The following KATNAL1 variants were observed in gnomAD, a reference collection of about 807,000 sequenced individuals.
KATNAL1 encodes katanin catalytic subunit A1 like 1, also known as katanin p60 ATPase-containing subunit A-like 1.
KATNAL1 carries 32 observed loss-of-function variants against 55.2 expected under a neutral mutation model. The ratio of observed to expected loss-of-function variants is 0.58; its 90% CI spans 0.44 to 0.78. The LOEUF is 0.78. Ranked by LOEUF, KATNAL1 falls within the 30% of genes least tolerant of loss-of-function variation. The pLI is 0.00. For missense variants in KATNAL1, 466 were observed against 600.9 expected, an observed-to-expected ratio of 0.78 and a Z score of 2.35; for synonymous variants, 193 against 193.6, an observed-to-expected ratio of 1.00 and a Z score of 0.02.
intron 1 of KATNAL1, among the ~76,000 whole-genome samples, chr13:30,295,569 G>C (rs1271939318): frequency 6.6e-6 from 1 of 151,982 alleles, no homozygotes; most frequent in Non-Finnish European, 1.5e-5. Context: ...TTCAAGACCA[G>C]CCTGGGCAAC....
intron 9 of KATNAL1, among the ~76,000 whole-genome samples, chr13:30,218,433 A>T (rs1257534693): frequency 6.6e-6 from 1 of 152,048 alleles, no homozygotes; most frequent in Non-Finnish European, 1.5e-5. Context: ...AGAACATTAG[A>T]ACTCACTTGT....
intron 2 of KATNAL1, among the ~76,000 whole-genome samples, chr13:30,281,132 AAAAAAG>A (rs1393112141): frequency 4.4e-4 from 65 of 148,454 alleles, no homozygotes; most frequent in African/African-American, 1.5e-3. Flanking sequence ...CAAAAAAAAA[AAAAAAG>A]AAAAGAAAAG....
Position 30,210,305 on chromosome 13 carries a change from TA to T in KATNAL1, c.1274+10del. ...ACTAATGTCTAAAATCACAGATCAT[TA>T]AAAAAATACCTGCAAACATTAGTGA... is the stretch of plus-strand genomic sequence containing the variant. On this transcript the variant is annotated intron_variant, in intron 10 of 10. Coordinates refer to ENST00000380615, the MANE Select transcript of KATNAL1 (RefSeq NM_032116.5). The T allele has an allele frequency of 6.3e-6, 10 of 1,579,042 alleles. No individual in the cohort carries two copies. Among genetic ancestry groups the T allele is most frequent in the Admixed American group, 1.9e-5 (1 of 52,178 alleles).
chr13:30,256,542 T>C (rs1394739166), intron 3 of KATNAL1, among the ~76,000 whole-genome samples: 3 of 152,176 alleles, frequency 2.0e-5, no homozygotes, highest in African/African-American at 7.2e-5. Context: ...TATCTATTAT[T>C]ATCCCCTTTC....
rs1212426073 is a variant in KATNAL1 at position 30,205,616 on chromosome 13, G to A, written c.*2924C>T. 2 of 99,480 alleles carry A rather than the reference G, an allele frequency of 2.0e-5. No homozygotes were observed. The highest frequency in any genetic ancestry group is 3.8e-5 in the Non-Finnish European group (2 of 52,792). 6.2% of individuals were successfully genotyped at this position (99,480 alleles called of 1,614,324 possible). A position where few individuals can be genotyped will look rare whatever the true frequency, so the allele number is the denominator to read the frequency against. On this transcript the variant is annotated 3_prime_UTR_variant, in exon 11 of 11. Transcript: ENST00000380615. ...CTTCTGCAATAAAGACAGTCAGAGT[G>A]TGTGTGTGTGTGTGTATGTGAGTGT... is the stretch of plus-strand genomic sequence containing the variant.
At chr13:30,286,882 G>C (rs1416052762) in intron 1 of KATNAL1, among the ~76,000 whole-genome samples, 3 of 152,248 alleles carry the variant, frequency 2.0e-5, no homozygotes, top group Admixed American at 6.5e-5. Context: ...GTCAGACGTG[G>C]AGTCAAAGGA....
chr13:30,252,785 C>T (rs888978318), intron 4 of KATNAL1, among the ~76,000 whole-genome samples: 4 of 151,858 alleles, frequency 2.6e-5, no homozygotes, highest in Admixed American at 2.0e-4. Flanking sequence ...CTCTGTTGCC[C>T]AAGCTGGAGT....
At chr13:30,231,263 C>T (rs770931371) in intron 7 of KATNAL1, 51 bp downstream of exon 7, 4 of 1,415,290 alleles carry the variant, frequency 2.8e-6, no homozygotes, top group Admixed American at 4.2e-5. Flanking sequence ...TTTATGGGGG[C>T]ATCATAGGCC....
At chr13:30,278,733 GTACA>G (rs1022641081) in intron 3 of KATNAL1, among the ~76,000 whole-genome samples, 1 of 152,150 alleles carries the variant, frequency 6.6e-6, no homozygotes, top group African/African-American at 2.4e-5. Flanking sequence ...GTATTTCATT[GTACA>G]TACATACAGG....
At chr13:30,297,192 G>T (rs1194871946) in intron 1 of KATNAL1, among the ~76,000 whole-genome samples, 1 of 151,092 alleles carries the variant, frequency 6.6e-6, no homozygotes, top group Non-Finnish European at 1.5e-5. Flanking sequence ...AAGGAAGAAG[G>T]ATGAGGAGGA....
At chr13:30,274,907 G>GCGCGCGCACACA (rs869107567) in intron 3 of KATNAL1, among the ~76,000 whole-genome samples, 99 of 105,422 alleles carry the variant, frequency 9.4e-4, no homozygotes, top group Middle Eastern at 4.9e-3. Flanking sequence ...GCGCGCGCGC[G>GCGCGCGCACACA]CACACACACA....
intron 6 of KATNAL1, among the ~76,000 whole-genome samples, chr13:30,236,310 G>A (rs540848284): frequency 6.6e-6 from 1 of 152,308 alleles, no homozygotes; most frequent in South Asian, 2.1e-4. Context: ...GCTAGTGTCT[G>A]AAGTGAGGGC....
At chr13:30,228,342 C>T (rs144062139) in intron 8 of KATNAL1, among the ~76,000 whole-genome samples, 2,131 of 152,218 alleles carry the variant, frequency 0.014, 30 homozygotes, top group Middle Eastern at 0.037. Context: ...TTTAAAAAAA[C>T]AAGGTCTGGT....
intron 1 of KATNAL1, chr13:30,296,077 C>T: frequency 3.5e-6 from 1 of 282,064 alleles, no homozygotes; most frequent in Non-Finnish European, 6.6e-6. Context: ...GTCACATGGG[C>T]ACTGAGAACG....
intron 9 of KATNAL1, 149 bp from the exon 10 acceptor site, chr13:30,210,591 T>C (rs867126984): frequency 7.0e-6 from 3 of 426,566 alleles, no homozygotes; most frequent in Middle Eastern, 7.3e-4. Context: ...ACCAATTCAC[T>C]GCATGACTCA....
chr13:30,246,041 A>C (rs1379883978), intron 4 of KATNAL1, among the ~76,000 whole-genome samples: 2 of 152,220 alleles, frequency 1.3e-5, no homozygotes, highest in Non-Finnish European at 2.9e-5. Flanking sequence ...ATTAGAAAAA[A>C]ACTACTTTAA....
intron 1 of KATNAL1, among the ~76,000 whole-genome samples, chr13:30,299,917 A>AG (rs1420412021): frequency 6.6e-6 from 1 of 152,134 alleles, no homozygotes; most frequent in African/African-American, 2.4e-5. Flanking sequence ...TAACACATAA[A>AG]GCCATCTTTT....
chr13:30,245,087 CAG>C (rs1056759083), intron 4 of KATNAL1, among the ~76,000 whole-genome samples: 14 of 151,728 alleles, frequency 9.2e-5, no homozygotes, highest in South Asian at 2.1e-4. Context: ...CAAAACCTGG[CAG>C]AGTCACAACA....
intron 3 of KATNAL1, among the ~76,000 whole-genome samples, chr13:30,278,631 G>A (rs1266348502): frequency 6.6e-6 from 1 of 152,194 alleles, no homozygotes; most frequent in Non-Finnish European, 1.5e-5. Flanking sequence ...TAGCAATTCA[G>A]AGCAGATAGT....
Sources: allele counts gnomAD v4.1 joint callset (sites outside exome capture counted in the v4.1 genomes callset), GRCh38; gene constraint gnomAD v4.1.1; transcripts MANE v1.5; gene names NCBI Gene and HGNC (gene_info 2026-07-23, HGNC 2026-07-21).